The following CCNJL variants were observed in gnomAD, a reference collection of about 807,000 sequenced individuals.
The protein encoded by CCNJL is cyclin J like.
Under a neutral mutation model 33.4 loss-of-function variants are expected in CCNJL, and 33 were observed. That is an observed-to-expected ratio of 0.99 (90% CI 0.75 to 1.32). The LOEUF is 1.32. Ranked by LOEUF, CCNJL falls within the 40% of genes most tolerant of loss-of-function variation. CCNJL has a pLI of 0.00. For missense variants in CCNJL, 512 were observed against 499.7 expected (o/e 1.02, Z -0.23); for synonymous variants, 227 against 220.9 (o/e 1.03, Z -0.24).
upstream of CCNJL, among the ~76,000 whole-genome samples, chr5:160,315,820 C>A (rs563505426): frequency 1.3e-5 from 2 of 152,246 alleles, no homozygotes; most frequent in African/African-American, 2.4e-5. Context: ...CATTCAACAA[C>A]AATGAACAGC....
intron 4 of CCNJL, among the ~76,000 whole-genome samples, chr5:160,258,046 A>G (rs1561771327): frequency 6.6e-6 from 1 of 151,772 alleles, no homozygotes; most frequent in African/African-American, 2.4e-5. Context: ...GGGTTTCACT[A>G]TGTTGGCCAG....
At chr5:160,302,439 C>T (rs1039501879) in intron 2 of CCNJL, among the ~76,000 whole-genome samples, 39 of 152,102 alleles carry the variant, frequency 2.6e-4, no homozygotes, top group African/African-American at 9.4e-4. Context: ...ATCATTATTG[C>T]TACAATTAGC....
At chr5:160,295,708 G>C (rs1762731249) in intron 2 of CCNJL, among the ~76,000 whole-genome samples, 1 of 152,134 alleles carries the variant, frequency 6.6e-6, no homozygotes, top group African/African-American at 2.4e-5. Flanking sequence ...ACAAGCCAAG[G>C]AAGACCACGG....
intron 2 of CCNJL, among the ~76,000 whole-genome samples, chr5:160,289,543 C>T (rs545103150): frequency 2.1e-4 from 32 of 152,138 alleles, no homozygotes; most frequent in Non-Finnish European, 4.4e-4. Flanking sequence ...CCAGAGGAGC[C>T]ATTCTGGGGG....
intron 4 of CCNJL, among the ~76,000 whole-genome samples, chr5:160,259,186 A>T (rs1249205931): frequency 6.6e-6 from 1 of 152,196 alleles, no homozygotes; most frequent in African/African-American, 2.4e-5. Flanking sequence ...TATTTAATTC[A>T]TTTGCAATGT....
At position 160,276,415 on chromosome 5, in the gene CCNJL, C is replaced by CA. The variant is rs571637284; in HGVS notation, c.280+4109dup. 811 of 86,462 alleles carry CA rather than the reference C, an allele frequency of 9.4e-3. 6 individuals are homozygous for CA. The highest frequency in any genetic ancestry group is 0.029 in the African/African-American group (673 of 23,562). 5.4% of individuals were successfully genotyped at this position (86,462 alleles called of 1,614,324 possible). A position where few individuals can be genotyped will look rare whatever the true frequency, so the allele number is the denominator to read the frequency against. ...GGGCGATAAGAGCGAAACTCCGTCT[C>CA]AAAAAAAAAAAAGAAAAAGAAAAAA... On this transcript the variant is annotated intron_variant, in intron 3 of 5. Transcript: ENST00000257536.
chr5:160,319,812 C>CT (rs1156692355), intron 1 of CCNJL, among the ~76,000 whole-genome samples: 2 of 152,030 alleles, frequency 1.3e-5, no homozygotes, highest in Non-Finnish European at 2.9e-5. Context: ...GTGTGCAAGC[C>CT]TGTTAGTGCC....
intron 2 of CCNJL, 57 bp from the exon 3 acceptor site, chr5:160,280,795 G>T: frequency 8.3e-7 from 1 of 1,198,748 alleles, no homozygotes; most frequent in South Asian, 1.3e-5. Context: ...GAGAGTCTCG[G>T]CTGTCCCAGG....
intron 1 of CCNJL, among the ~76,000 whole-genome samples, chr5:160,321,451 G>A (rs953974756): frequency 6.6e-6 from 1 of 152,156 alleles, no homozygotes; most frequent in African/African-American, 2.4e-5. Context: ...ATGCCACAAA[G>A]CCACCTTCTA....
At chr5:160,299,852 T>A (rs63423860) in intron 2 of CCNJL, among the ~76,000 whole-genome samples, 3 of 148,926 alleles carry the variant, frequency 2.0e-5, no homozygotes, top group African/African-American at 7.5e-5. Context: ...TTTTTTTTTT[T>A]ACAATAATCA....
chr5:160,324,860 A>T (rs1057407374), intron 1 of CCNJL, among the ~76,000 whole-genome samples: 1 of 152,212 alleles, frequency 6.6e-6, no homozygotes, highest in Non-Finnish European at 1.5e-5. Context: ...TGAATTTGTT[A>T]CACACGTTTT....
intron 2 of CCNJL, among the ~76,000 whole-genome samples, chr5:160,286,633 G>C (rs987279391): frequency 6.6e-6 from 1 of 151,756 alleles, no homozygotes; most frequent in Non-Finnish European, 1.5e-5. Context: ...GTGAGACTCT[G>C]TCTCAAAAAA....
At chr5:160,300,339 G>A (rs889882753) in intron 2 of CCNJL, among the ~76,000 whole-genome samples, 2 of 152,126 alleles carry the variant, frequency 1.3e-5, no homozygotes, top group Admixed American at 1.3e-4. Context: ...CCTTGATGCA[G>A]GTCTCAGCCC....
upstream of CCNJL, chr5:160,312,970 TCTC>T (rs1763327894): frequency 1.3e-5 from 2 of 151,780 alleles, no homozygotes; most frequent in African/African-American, 2.4e-5. Flanking sequence ...TTTTGTTTGT[TCTC>T]CTCTTCTTTG....
chr5:160,279,265 A>G (rs923385765), intron 3 of CCNJL, among the ~76,000 whole-genome samples: 1 of 152,206 alleles, frequency 6.6e-6, no homozygotes, highest in Non-Finnish European at 1.5e-5. Context: ...GGACACAAAC[A>G]TATCTCAGAG....
chr5:160,257,013 T>A (rs1325437467), intron 4 of CCNJL, among the ~76,000 whole-genome samples: 1 of 151,890 alleles, frequency 6.6e-6, no homozygotes, highest in Non-Finnish European at 1.5e-5. Flanking sequence ...ACAACAAATT[T>A]AAAAAATAAA....
At chr5:160,302,311 CTG>C (rs1762950147) in intron 2 of CCNJL, among the ~76,000 whole-genome samples, 6 of 152,038 alleles carry the variant, frequency 3.9e-5, no homozygotes, top group Admixed American at 3.3e-4. Flanking sequence ...AGTTATGAAA[CTG>C]TGATATACTT....
chr5:160,283,681 T>A (rs1377703335), intron 2 of CCNJL, among the ~76,000 whole-genome samples: 1 of 152,178 alleles, frequency 6.6e-6, no homozygotes, highest in Non-Finnish European at 1.5e-5. Context: ...ATTGATTATA[T>A]TCACCCCGTT....
intron 3 of CCNJL, chr5:160,276,320 CAGG>C (rs1325870626): frequency 1.3e-5 from 2 of 151,476 alleles, no homozygotes; most frequent in Non-Finnish European, 2.9e-5. Flanking sequence ...GGCGCTGAAG[CAGG>C]AGAATTGCTT....
Sources: allele counts gnomAD v4.1 joint callset (sites outside exome capture counted in the v4.1 genomes callset), GRCh38; gene constraint gnomAD v4.1.1; transcripts MANE v1.5; gene names NCBI Gene and HGNC (gene_info 2026-07-23, HGNC 2026-07-21).